SLC24A3: variants seen among roughly 807,000 people sequenced by gnomAD.
SLC24A3 encodes the protein sodium/potassium/calcium exchanger 3.
SLC24A3 carries 28 observed loss-of-function variants against 75.8 expected under a neutral mutation model. The observed-to-expected ratio is 0.37, with a 90% confidence interval of 0.27 to 0.51. SLC24A3 has a LOEUF of 0.51. SLC24A3 is among the 20% of genes least tolerant of loss of function. The pLI is 0.94. For synonymous variants in SLC24A3, 372 were observed against 334.1 expected (o/e 1.11, Z -1.24); for missense variants, 663 against 847.8 (o/e 0.78, Z 2.71).
At chr20:19,668,390 TA>T (rs1316755440) in intron 8 of SLC24A3, among the ~76,000 whole-genome samples, 1 of 152,224 alleles carries the variant, frequency 6.6e-6, no homozygotes, top group Non-Finnish European at 1.5e-5. Flanking sequence ...TTTCTCTCTT[TA>T]AAATCAGAGT....
At chr20:19,358,808 T>C (rs1328328833) in intron 2 of SLC24A3, among the ~76,000 whole-genome samples, 1 of 152,164 alleles carries the variant, frequency 6.6e-6, no homozygotes, top group Non-Finnish European at 1.5e-5. Flanking sequence ...CAGTCACCAA[T>C]CTGTGTTCCT....
At chr20:19,277,004 A>G (rs1356050711) in intron 1 of SLC24A3, among the ~76,000 whole-genome samples, 2 of 152,226 alleles carry the variant, frequency 1.3e-5, no homozygotes, top group African/African-American at 4.8e-5. Context: ...CATCTTTGAA[A>G]TAAGACCAGT....
intron 2 of SLC24A3, among the ~76,000 whole-genome samples, chr20:19,413,528 C>T (rs971965849): frequency 1.2e-4 from 19 of 152,148 alleles, no homozygotes; most frequent in African/African-American, 1.9e-4. Flanking sequence ...AGATGCTCCA[C>T]GCTGAATGTT....
Position 19,693,190 on chromosome 20 carries a change from G to T in SLC24A3, c.1325-69G>T, listed in dbSNP as rs2032765282. On this transcript the variant is annotated intron_variant, in intron 12 of 16. Transcript: ENST00000328041. ...CAGTACAGACACTTGGCAGAGCAAA[G>T]AAATAAAGCTAACTGGGGTTCTTTG... 2.0e-6 allele frequency: 3 copies of T among 1,509,384 alleles called. No homozygotes were observed. The East Asian group carries it at 7.0e-5, about 35-fold the overall frequency. 93.5% of individuals were successfully genotyped at this position (1,509,384 alleles called of 1,614,324 possible). A position where few individuals can be genotyped will look rare whatever the true frequency, so the allele number is the denominator to read the frequency against.
intron 1 of SLC24A3, among the ~76,000 whole-genome samples, chr20:19,222,540 G>A (rs1042403804): frequency 3.3e-5 from 5 of 152,150 alleles, no homozygotes; most frequent in Non-Finnish European, 1.5e-5. Flanking sequence ...CCTGTCTTGA[G>A]GGAAAAGACC....
intron 2 of SLC24A3, among the ~76,000 whole-genome samples, chr20:19,448,958 A>G (rs1987434896): frequency 6.6e-6 from 1 of 152,252 alleles, no homozygotes; most frequent in Admixed American, 6.5e-5. Context: ...GCAACTGAAC[A>G]GCAGCCATTC....
At chr20:19,301,706 G>GT (rs1182716484) in intron 2 of SLC24A3, among the ~76,000 whole-genome samples, 2 of 152,034 alleles carry the variant, frequency 1.3e-5, no homozygotes, top group African/African-American at 4.8e-5. Context: ...TCTCTCTTCA[G>GT]TTTTTTAGTC....
At chr20:19,585,331 G>A in intron 5 of SLC24A3, 110 bp from the exon 6 acceptor site, 1 of 1,082,700 alleles carries the variant, frequency 9.2e-7, no homozygotes, top group Non-Finnish European at 1.4e-6. Context: ...CCCCTCAGCT[G>A]TTTCCTGTAG....
chr20:19,702,490 C>T (rs1367195866), intron 15 of SLC24A3, among the ~76,000 whole-genome samples: 1 of 152,176 alleles, frequency 6.6e-6, no homozygotes, highest in South Asian at 2.1e-4. Context: ...GAAGAAACCA[C>T]TCTGGCTTAT....
At chr20:19,456,315 A>T (rs1388228847) in intron 2 of SLC24A3, among the ~76,000 whole-genome samples, 1 of 152,176 alleles carries the variant, frequency 6.6e-6, no homozygotes, top group Admixed American at 6.5e-5. Context: ...GTGTTGTGGG[A>T]GGGACCTGGG....
At chr20:19,306,463 A>C (rs1159373921) in intron 2 of SLC24A3, among the ~76,000 whole-genome samples, 1 of 152,240 alleles carries the variant, frequency 6.6e-6, no homozygotes, top group Non-Finnish European at 1.5e-5. Flanking sequence ...GTGTCCATCA[A>C]TGGTGGACTG....
chr20:19,509,507 G>T (rs1291114756), intron 2 of SLC24A3, among the ~76,000 whole-genome samples: 2 of 152,192 alleles, frequency 1.3e-5, no homozygotes, highest in Admixed American at 6.5e-5. Context: ...CACACTGTCC[G>T]CATACACTCT....
chr20:19,709,673 T>C (rs993820064), intron 15 of SLC24A3, among the ~76,000 whole-genome samples: 1 of 152,042 alleles, frequency 6.6e-6, no homozygotes, highest in Non-Finnish European at 1.5e-5. Context: ...CTGAGGGTTC[T>C]TAGAGGGTAA....
At position 19,425,294 on chromosome 20, in the gene SLC24A3, C is replaced by A. The variant is rs1254072647; in HGVS notation, c.272-90194C>A. 3.1e-5 allele frequency among the ~76,000 whole-genome samples: 4 copies of A among 127,622 alleles called. No homozygotes were observed. The Admixed American group carries it at 3.4e-4, about 11-fold the overall frequency. 83.7% of individuals were successfully genotyped at this position (127,622 alleles called of 152,430 possible). ...CTCCAGCCTAGGTGACAGAGTGAGA[C>A]TCCGTCTCAAAAAAAAAAAAATTAA... On this transcript the variant is annotated intron_variant, in intron 2 of 16. Transcript: ENST00000328041.
In SLC24A3 at chr20:19,684,355, T is replaced by TCCACTGC. The variant is rs1176852305; in HGVS notation, c.1062+26_1062+32dup. On this transcript the variant is annotated intron_variant, in intron 11 of 16. Transcript: ENST00000328041. ...CAATGAGGTACCTGGGAAAGCACTG[T>TCCACTGC]CCACTGCCCACTGGACAGGGGTGGG... is the stretch of plus-strand genomic sequence containing the variant. 1.2e-6 allele frequency: 2 copies of TCCACTGC among 1,608,652 alleles called. No individual in the cohort carries two copies. The highest frequency in any genetic ancestry group is 2.7e-5 in the African/African-American group (2 of 74,748).
intron 1 of SLC24A3, among the ~76,000 whole-genome samples, chr20:19,232,000 C>A (rs896073330): frequency 1.3e-5 from 2 of 152,184 alleles, no homozygotes; most frequent in African/African-American, 4.8e-5. Flanking sequence ...CCCAGTGCCT[C>A]ATGTGGAGGA....
intron 2 of SLC24A3, among the ~76,000 whole-genome samples, chr20:19,416,649 A>G (rs1308607470): frequency 6.6e-6 from 1 of 152,200 alleles, no homozygotes; most frequent in African/African-American, 2.4e-5. Flanking sequence ...AGATTCAAGG[A>G]AAAGATGGAA....
At chr20:19,247,322 G>A (rs1982524307) in intron 1 of SLC24A3, among the ~76,000 whole-genome samples, 1 of 152,102 alleles carries the variant, frequency 6.6e-6, no homozygotes, top group Admixed American at 6.5e-5. Flanking sequence ...CCTCGCGAAA[G>A]TTACTTGTAA....
At chr20:19,555,400 T>C (rs1179126019) in intron 3 of SLC24A3, among the ~76,000 whole-genome samples, 1 of 152,206 alleles carries the variant, frequency 6.6e-6, no homozygotes, top group Non-Finnish European at 1.5e-5. Context: ...TTCATCCAGT[T>C]CCAATCTACT....
Sources: gnomAD v4.1 joint callset for allele counts (sites outside exome capture counted in the v4.1 genomes callset) on GRCh38, gnomAD v4.1.1 for gene constraint, MANE v1.5 for transcripts, NCBI Gene and HGNC (gene_info 2026-07-23, HGNC 2026-07-21) for gene names.